The following AMMECR1 variants were observed in gnomAD, a reference collection of about 807,000 sequenced individuals.
AMMECR1 encodes the protein AMMECR nuclear protein 1.
Under a neutral mutation model 22.5 loss-of-function variants are expected in AMMECR1, and 3 were observed. The ratio of observed to expected loss-of-function variants is 0.13; its 90% CI spans 0.06 to 0.35. The LOEUF (loss-of-function observed/expected upper bound fraction) is 0.35. Among genes scored for constraint, AMMECR1 ranks in the 10% least tolerant of loss-of-function variants. The pLI is 1.00. For synonymous variants in AMMECR1, 130 were observed against 116.7 expected, an observed-to-expected ratio of 1.11 and a Z score of -0.74; for missense variants, 235 against 278.7, an observed-to-expected ratio of 0.84 and a Z score of 1.12.
chrX:110,382,969 C>T (rs181097263), intron 2 of AMMECR1, among the ~76,000 whole-genome samples: 134 of 112,132 alleles, frequency 1.2e-3, no homozygotes, highest in Non-Finnish European at 2.0e-3. Context: ...GTAGAACTCA[C>T]TCAGTTTTAC....
intron 2 of AMMECR1, among the ~76,000 whole-genome samples, chrX:110,407,470 A>G (rs2068610935): frequency 8.9e-6 from 1 of 112,529 alleles, no homozygotes; most frequent in Non-Finnish European, 1.9e-5. Context: ...AGAATAATAC[A>G]AATAACAACC....
intron 2 of AMMECR1, among the ~76,000 whole-genome samples, chrX:110,412,310 G>T (rs992406117): frequency 1.6e-4 from 18 of 112,360 alleles, no homozygotes; most frequent in Non-Finnish European, 3.0e-4. Context: ...GTATAAGGAT[G>T]TTCATTTAAA....
In AMMECR1 at chrX:110,197,740, C is replaced by G. The variant is rs1402610287; in HGVS notation, c.*780G>C. On this transcript the variant is annotated 3_prime_UTR_variant, in exon 6 of 6. Coordinates refer to ENST00000262844, the MANE Select transcript of AMMECR1 (RefSeq NM_015365.3). The stretch of plus-strand genomic sequence containing the variant: ...TTTTGAAAGGTAGTTTGTACCTTCT[C>G]CAAACAGTGTTTTAGTTTGCAAATT... 1 of 111,932 alleles carries G rather than the reference C, an allele frequency of 8.9e-6. No homozygotes were observed. Among genetic ancestry groups the G allele is most frequent in the Admixed American group, 9.5e-5 (1 of 10,517 alleles). 9.2% of individuals were successfully genotyped at this position (111,932 alleles called of 1,213,427 possible). A position where few individuals can be genotyped will look rare whatever the true frequency, so the allele number is the denominator to read the frequency against.
chrX:110,207,509 C>T (rs1212502385), intron 3 of AMMECR1, among the ~76,000 whole-genome samples: 1 of 110,804 alleles, frequency 9.0e-6, no homozygotes, highest in Non-Finnish European at 1.9e-5. Context: ...TTGTACAGAT[C>T]CTAATGAACC....
rs758499689 is a variant in AMMECR1 at position 110,230,689 on chromosome X, T to C, written c.585-14057A>G. Among the ~76,000 whole-genome samples, 11 of 111,701 alleles carry C rather than the reference T, an allele frequency of 9.8e-5. No homozygotes were observed. In the South Asian group the frequency reaches 3.8e-3, roughly 39 times the overall value. ...TGGGACGGAGAATGACTTTGACGAG[T>C]TGACAGAAGTAGGCTTCAGAAGGTC... On this transcript the variant is annotated intron_variant, in intron 2 of 5. Transcript: ENST00000262844.
At chrX:110,217,490 C>T (rs1171930031) in intron 2 of AMMECR1, among the ~76,000 whole-genome samples, 1 of 97,536 alleles carries the variant, frequency 1.0e-5, no homozygotes, top group Non-Finnish European at 2.0e-5. Flanking sequence ...CTTCCTGCAA[C>T]GGAATAGAAA....
At position 110,390,546 on chromosome X, in the gene AMMECR1, C is replaced by T. The variant is rs141840084; in HGVS notation, c.-148+36112G>A. 3.6e-3 allele frequency among the ~76,000 whole-genome samples: 400 copies of T among 111,010 alleles called. 3 individuals carry two copies. The highest frequency in any genetic ancestry group is 3.1e-3 in the Non-Finnish European group (163 of 52,977). ...TGTACCTAGGTGAACTGAATATGCCCAGAGGATATCAGGGGACTCTCCACT... is the reference window on the plus strand; with the variant it reads ...TGTACCTAGGTGAACTGAATATGCCTAGAGGATATCAGGGGACTCTCCACT... On this transcript the variant is annotated intron_variant, in intron 2 of 7. Coordinates refer to the AMMECR1 transcript ENST00000372057.
intron 2 of AMMECR1, among the ~76,000 whole-genome samples, chrX:110,353,461 T>C (rs1046494857): frequency 8.9e-6 from 1 of 111,768 alleles, no homozygotes; most frequent in Non-Finnish European, 1.9e-5. Flanking sequence ...TAAACTTCCC[T>C]CCTACGACTA....
intron 2 of AMMECR1, among the ~76,000 whole-genome samples, chrX:110,343,154 G>C (rs2068172055): frequency 1.8e-5 from 2 of 111,821 alleles, no homozygotes; most frequent in Non-Finnish European, 3.8e-5. Flanking sequence ...ATGATCAAGT[G>C]GGCTTCATCC....
intron 2 of AMMECR1, among the ~76,000 whole-genome samples, chrX:110,347,337 G>A (rs1456766769): frequency 8.9e-6 from 1 of 112,498 alleles, no homozygotes; most frequent in Admixed American, 9.4e-5. Flanking sequence ...TAATTAAAGT[G>A]CCTCATGTAT....
chrX:110,393,923 G>A (rs918162973), intron 2 of AMMECR1, among the ~76,000 whole-genome samples: 7 of 112,197 alleles, frequency 6.2e-5, no homozygotes, highest in South Asian at 3.7e-4. Flanking sequence ...ATGAAAACTC[G>A]TAAAGTACAC....
At chrX:110,293,402 C>G (rs775097763) in intron 1 of AMMECR1, among the ~76,000 whole-genome samples, 2 of 111,700 alleles carry the variant, frequency 1.8e-5, no homozygotes, top group Non-Finnish European at 3.8e-5. Context: ...GTCCAGGGAT[C>G]ATGGGATAAG....
chrX:110,366,738 C>T (rs193195349), intron 2 of AMMECR1, among the ~76,000 whole-genome samples: 5 of 111,768 alleles, frequency 4.5e-5, no homozygotes, highest in African/African-American at 1.6e-4. Flanking sequence ...TATTCCCAAC[C>T]TGCCCCAGCA....
intron 2 of AMMECR1, among the ~76,000 whole-genome samples, chrX:110,388,010 C>T (rs753009415): frequency 2.3e-4 from 25 of 109,626 alleles, no homozygotes; most frequent in Admixed American, 1.5e-3. Context: ...AACAGGCGCC[C>T]GCCATCACGC....
chrX:110,409,645 T>C (rs1344984311), intron 2 of AMMECR1, among the ~76,000 whole-genome samples: 1 of 101,484 alleles, frequency 9.9e-6, no homozygotes, highest in Non-Finnish European at 1.9e-5. Flanking sequence ...TTGCTGCTGC[T>C]GTTTTTTTTT....
At chrX:110,403,617 TC>T (rs1294338352) in intron 2 of AMMECR1, among the ~76,000 whole-genome samples, 1 of 111,434 alleles carries the variant, frequency 9.0e-6, no homozygotes, top group Non-Finnish European at 1.9e-5. Context: ...TTGGCCAGAC[TC>T]CCCTTACCCA....
intron 2 of AMMECR1, among the ~76,000 whole-genome samples, chrX:110,335,069 A>G (rs1371371088): frequency 8.9e-6 from 1 of 111,940 alleles, no homozygotes; most frequent in Non-Finnish European, 1.9e-5. Context: ...TCTACCACAT[A>G]ACAACTACAT....
intron 2 of AMMECR1, among the ~76,000 whole-genome samples, chrX:110,335,550 A>G (rs2068137967): frequency 8.9e-6 from 1 of 111,801 alleles, no homozygotes; most frequent in Admixed American, 9.5e-5. Flanking sequence ...GCTCTATAGC[A>G]GCCCACCACG....
intron 2 of AMMECR1, among the ~76,000 whole-genome samples, chrX:110,333,835 G>C (rs1449905437): frequency 1.8e-5 from 2 of 109,239 alleles, no homozygotes; most frequent in African/African-American, 6.7e-5. Context: ...AGGGGGTGGG[G>C]GTCTGGGGGA....
Sources: gnomAD v4.1 joint callset for allele counts (sites outside exome capture counted in the v4.1 genomes callset) on GRCh38, gnomAD v4.1.1 for gene constraint, MANE v1.5 for transcripts, NCBI Gene and HGNC (gene_info 2026-07-23, HGNC 2026-07-21) for gene names.